Variants in CCDC57 observed in about 807,000 individuals in gnomAD.
The protein encoded by CCDC57 is coiled-coil domain containing 57.
In CCDC57, 118 loss-of-function variants were observed where a neutral mutation model predicts 118.9. The ratio of observed to expected loss-of-function variants is 0.99; its 90% CI spans 0.86 to 1.16. CCDC57 has a LOEUF of 1.16. Ranked by LOEUF, CCDC57 falls within the 50% of genes most tolerant of loss-of-function variation. The pLI, the probability that CCDC57 is intolerant of heterozygous loss-of-function variation, is 0.00. For synonymous variants in CCDC57, 527 were observed against 532.9 expected, an observed-to-expected ratio of 0.99 and a Z score of 0.15; for missense variants, 1,300 against 1,320.7, an observed-to-expected ratio of 0.98 and a Z score of 0.24.
At chr17:82,148,411 G>A (rs1212192143) in intron 16 of CCDC57, among the ~76,000 whole-genome samples, 2 of 24,296 alleles carry the variant, frequency 8.2e-5, no homozygotes, top group East Asian at 0.011. Flanking sequence ...GTGGATGGAT[G>A]GATGGATAGG....
exon 15 of CCDC57, chr17:82,157,782 G>A (rs2042856253): frequency 1.2e-6 from 2 of 1,604,918 alleles, no homozygotes; most frequent in Admixed American, 1.7e-5. Context: ...CGAGGCTGGG[G>A]GCTGCTTCCT....
At chr17:82,160,640 A>G (rs1302238521) in intron 14 of CCDC57, among the ~76,000 whole-genome samples, 1 of 152,144 alleles carries the variant, frequency 6.6e-6, no homozygotes, top group African/African-American at 2.4e-5. Context: ...TTTGGGAGGC[A>G]GAGGTGGGAA....
chr17:82,147,880 GTGGA>G (rs2041035829), intron 16 of CCDC57, among the ~76,000 whole-genome samples: 1 of 83,626 alleles, frequency 1.2e-5, no homozygotes, highest in Non-Finnish European at 2.4e-5. Flanking sequence ...GAATGGGTGG[GTGGA>G]TGGATGGATG....
At chr17:82,200,342 C>A (rs148498892) in intron 3 of CCDC57, among the ~76,000 whole-genome samples, 256 of 152,270 alleles carry the variant, frequency 1.7e-3, no homozygotes, top group African/African-American at 5.9e-3. Context: ...GAGCAGTGTG[C>A]GCAGGTGGCT....
chr17:82,174,616 G>A (rs1311040219), intron 11 of CCDC57, among the ~76,000 whole-genome samples: 4 of 152,152 alleles, frequency 2.6e-5, no homozygotes, highest in Non-Finnish European at 4.4e-5. Context: ...CACCAACAAC[G>A]TCTGAAGTTC....
chr17:82,169,331 G>A (rs891589807), intron 13 of CCDC57, among the ~76,000 whole-genome samples: 4 of 152,136 alleles, frequency 2.6e-5, no homozygotes, highest in Non-Finnish European at 5.9e-5. Context: ...GTTTCACCAT[G>A]TTGGCCAGGC....
chr17:82,113,060 AAGTTATTTCAACACAAGTTACTTTC>A (rs1233730046), intron 19 of CCDC57: 7 of 370,212 alleles, frequency 1.9e-5, no homozygotes, highest in African/African-American at 1.4e-4. Context: ...TTTGTTCTAA[AAGTTATTTCAACACAAGTTACTTTC>A]CTAAGTGGCA....
chr17:82,184,006 C>A, intron 8 of CCDC57, 74 bp from the exon 8 acceptor site: 8 of 1,132,832 alleles, frequency 7.1e-6, no homozygotes, highest in African/African-American at 1.6e-5. Context: ...CACCCCCCAG[C>A]AAATACACAT....
At chr17:82,131,264 C>G (rs2038324741) in intron 17 of CCDC57, among the ~76,000 whole-genome samples, 1 of 151,280 alleles carries the variant, frequency 6.6e-6, no homozygotes, top group Non-Finnish European at 1.5e-5. Flanking sequence ...AACCTCGTCT[C>G]TATCAAAAAT....
intron 8 of CCDC57, 84 bp from the exon 8 acceptor site, chr17:82,184,016 TGCGCGC>T (rs141760654): frequency 0.016 from 4,840 of 305,014 alleles, 246 homozygotes; most frequent in Admixed American, 0.04. Context: ...CAAATACACA[TGCGCGC>T]GCGCGCGCGC....
At chr17:82,187,109 T>C (rs1055113292) in intron 8 of CCDC57, among the ~76,000 whole-genome samples, 95 of 151,244 alleles carry the variant, frequency 6.3e-4, no homozygotes, top group African/African-American at 2.2e-3. Context: ...TAGTGGTATA[T>C]GCCCGTAATG....
intron 16 of CCDC57, among the ~76,000 whole-genome samples, chr17:82,140,174 C>T (rs1348509383): frequency 1.3e-5 from 2 of 152,156 alleles, no homozygotes; most frequent in South Asian, 2.1e-4. Flanking sequence ...CAAGCTCCGC[C>T]TCCCCAGTTC....
intron 7 of CCDC57, among the ~76,000 whole-genome samples, chr17:82,190,443 C>T (rs563137079): frequency 6.6e-6 from 1 of 152,264 alleles, no homozygotes; most frequent in African/African-American, 2.4e-5. Flanking sequence ...CCCCTGTAAT[C>T]GCAGCACTTT....
intron 16 of CCDC57, among the ~76,000 whole-genome samples, chr17:82,136,667 G>A (rs916308316): frequency 2.6e-5 from 4 of 151,214 alleles, no homozygotes; most frequent in African/African-American, 4.9e-5. Context: ...GTGCAATCGC[G>A]GCTCACTGCA....
intron 9 of CCDC57, among the ~76,000 whole-genome samples, chr17:82,180,938 C>T (rs924758602): frequency 2.0e-5 from 3 of 152,348 alleles, no homozygotes; most frequent in South Asian, 2.1e-4. Flanking sequence ...ACGAGCGGTG[C>T]GGGGCTGAGG....
At chr17:82,144,053 C>T (rs2040386297) in intron 16 of CCDC57, among the ~76,000 whole-genome samples, 1 of 123,460 alleles carries the variant, frequency 8.1e-6, no homozygotes, top group African/African-American at 3.0e-5. Flanking sequence ...AAGATTCCAT[C>T]TCAAAAACAA....
At chr17:82,123,578 A>T (rs982290531) in intron 19 of CCDC57, among the ~76,000 whole-genome samples, 3 of 152,212 alleles carry the variant, frequency 2.0e-5, no homozygotes, top group African/African-American at 4.8e-5. Flanking sequence ...CTCAAAACAC[A>T]TAAAGCAACA....
intron 16 of CCDC57, among the ~76,000 whole-genome samples, chr17:82,142,325 T>C (rs531457017): frequency 6.6e-6 from 1 of 152,202 alleles, no homozygotes; most frequent in East Asian, 1.9e-4. Flanking sequence ...GTTTTTTTTT[T>C]TTCTTGAGAC....
At position 82,193,962 on chromosome 17, in the gene CCDC57, G is replaced by A; in HGVS notation, c.776+20C>T. On this transcript the variant is annotated intron_variant, in intron 6 of 19. Transcript: ENST00000665763. ...GAGGCTGCCACAGAGCACGCCTCGG[G>A]AGATGAAGGACTCGCGCACCGGGCG... 3 of 1,600,472 alleles carry A rather than the reference G, an allele frequency of 1.9e-6. No individual in the cohort carries two copies. Among genetic ancestry groups the A allele is most frequent in the Non-Finnish European group, 1.7e-6 (2 of 1,173,206 alleles).
Sources: gnomAD v4.1 joint callset for allele counts (sites outside exome capture counted in the v4.1 genomes callset) on GRCh38, gnomAD v4.1.1 for gene constraint, MANE v1.5 for transcripts, NCBI Gene and HGNC (gene_info 2026-07-23, HGNC 2026-07-21) for gene names.